The following DHX30 variants were observed in gnomAD, a reference collection of about 807,000 sequenced individuals.
The protein encoded by DHX30 is ATP-dependent RNA helicase DHX30.
DHX30 carries 4 observed loss-of-function variants against 116.9 expected under a neutral mutation model. That is an observed-to-expected ratio of 0.03 (90% CI 0.02 to 0.08). The LOEUF (loss-of-function observed/expected upper bound fraction) is 0.08, where lower values mean the gene tolerates loss of function less well. Ranked by LOEUF, DHX30 falls within the 10% of genes least tolerant of loss-of-function variation. The pLI is 1.00. For synonymous variants in DHX30, 697 were observed against 651.7 expected, an observed-to-expected ratio of 1.07 and a Z score of -1.06; for missense variants, 871 against 1,595.1, an observed-to-expected ratio of 0.55 and a Z score of 7.73.
At position 47,842,761 on chromosome 3, in the gene DHX30, C is replaced by T. The variant is rs190864969; in HGVS notation, c.790-345C>T. ...TCCAGGTGCAGGGTCTTTTTGCTCC[C>T]GCAGGATGTGCCTGGTTTTTAGCTC... On this transcript the variant is annotated intron_variant, in intron 8 of 21. Coordinates refer to ENST00000445061, the MANE Select transcript of DHX30 (RefSeq NM_138615.3). 2.6e-4 allele frequency: 53 copies of T among 205,370 alleles called. No individual in the cohort carries two copies. In the East Asian group the frequency reaches 4.4e-3, roughly 17 times the overall value. The allele number at this position is 205,370 out of a possible 1,614,324, so 12.7% of individuals were successfully genotyped here. A position where few individuals can be genotyped will look rare whatever the true frequency, so the allele number is the denominator to read the frequency against.
At chr3:47,816,260 C>G (rs1268825925) in intron 3 of DHX30, 1 of 984,198 alleles carries the variant, frequency 1.0e-6, no homozygotes, top group African/African-American at 1.8e-5. Context: ...CAAAATATGA[C>G]AAAAAACAAT....
At chr3:47,839,184 C>T (rs2037251134) in intron 6 of DHX30, among the ~76,000 whole-genome samples, 1 of 151,844 alleles carries the variant, frequency 6.6e-6, no homozygotes, top group Admixed American at 6.6e-5. Context: ...AAGCATGAAG[C>T]TATAACACAT....
At chr3:47,809,025 A>C (rs1477049448) in intron 2 of DHX30, among the ~76,000 whole-genome samples, 1 of 151,936 alleles carries the variant, frequency 6.6e-6, no homozygotes, top group Admixed American at 6.6e-5. Context: ...AGTAGCTGAG[A>C]TTACAGGCGC....
In DHX30 at chr3:47,845,772, C is replaced by T. The variant is rs2037577555; in HGVS notation, c.1012C>T (p.Leu338=). The change falls in exon 10 of 22, where the codon CTG becomes TTG. Residue 338 remains leucine (L), a synonymous_variant. Transcript: ENST00000445061. ...AMYNLASLRE[L]GETQRRPCTI... The stretch of plus-strand genomic sequence containing the variant: ...GTATAACCTGGCCTCTTTGCGTGAG[C>T]TGGGTGAGACCCAGCGCCGACCATG... The T allele has an allele frequency of 6.2e-7, 1 of 1,612,700 alleles. No homozygotes were observed. The highest frequency in any genetic ancestry group is 2.2e-5 in the East Asian group (1 of 44,820).
chr3:47,824,948 CCCGCAGGGGGCGCGCGGCGCTCGGG>C (rs1023611969), intron 4 of DHX30: 5 of 493,564 alleles, frequency 1.0e-5, no homozygotes, highest in South Asian at 3.0e-5. Flanking sequence ...GTCCGCCCGG[CCCGCAGGGGGCGCGCGGCGCTCGGG>C]CCGGCCGCTC....
At chr3:47,807,433 G>T (rs576429714) in intron 2 of DHX30, among the ~76,000 whole-genome samples, 2 of 152,034 alleles carry the variant, frequency 1.3e-5, no homozygotes, top group South Asian at 2.1e-4. Flanking sequence ...GCCGGGCACG[G>T]TGGCTCATGC....
rs528904929 is a variant in DHX30 at position 47,839,829 on chromosome 3, C to A, written c.367-1048C>A. 2.0e-5 allele frequency among the ~76,000 whole-genome samples: 3 copies of A among 151,908 alleles called. No individual in the cohort carries two copies. The East Asian group carries it at 5.8e-4, about 30-fold the overall frequency. On this transcript the variant is annotated intron_variant, in intron 6 of 21. Transcript: ENST00000445061. ...TAGCTGAGATTACAGGTGCCCACCA[C>A]CACGCCCGGCTAATTTTTGTATTTT...
At chr3:47,839,749 C>T (rs558029577) in intron 6 of DHX30, among the ~76,000 whole-genome samples, 1 of 152,208 alleles carries the variant, frequency 6.6e-6, no homozygotes, top group South Asian at 2.1e-4. Flanking sequence ...CATCTCAGCT[C>T]ACTGCAACCA....
At chr3:47,835,568 G>A (rs988028966) in intron 6 of DHX30, among the ~76,000 whole-genome samples, 3 of 151,230 alleles carry the variant, frequency 2.0e-5, no homozygotes, top group Non-Finnish European at 4.4e-5. Context: ...GCCTCCCAAA[G>A]TTCTGGGATT....
intron 6 of DHX30, among the ~76,000 whole-genome samples, chr3:47,829,873 G>T (rs528145847): frequency 2.0e-5 from 3 of 150,814 alleles, no homozygotes; most frequent in South Asian, 4.2e-4. Context: ...ACGGAGTCTC[G>T]CTCTGTTGCC....
intron 3 of DHX30, chr3:47,816,155 T>G: frequency 1.0e-6 from 1 of 980,316 alleles, no homozygotes; most frequent in Non-Finnish European, 1.2e-6. Context: ...ATCACATACC[T>G]ATAAAATAAA....
At chr3:47,806,192 G>A (rs2035513085) in intron 2 of DHX30, among the ~76,000 whole-genome samples, 1 of 151,036 alleles carries the variant, frequency 6.6e-6, no homozygotes, top group Non-Finnish European at 1.5e-5. Context: ...TGCCCAGGTT[G>A]GAGTGCAGTG....
chr3:47,829,723 G>A (rs931233348), intron 6 of DHX30, among the ~76,000 whole-genome samples: 71 of 152,182 alleles, frequency 4.7e-4, no homozygotes, highest in African/African-American at 1.5e-3. Flanking sequence ...AAAAACTTCC[G>A]ACACACAGCG....
rs751503282 is a variant in DHX30, at chr3:47,845,865, G to A, written c.1092+13G>A. ...CTTCCTGAACCATGTAAGAGGCCCT[G>A]CATCCCTCACCACCCCTGCTCCCTG... On this transcript the variant is annotated intron_variant, in intron 10 of 21. Coordinates refer to ENST00000445061, the MANE Select transcript of DHX30 (RefSeq NM_138615.3). 1 of 1,590,302 alleles carries A rather than the reference G, an allele frequency of 6.3e-7. No homozygotes were observed. The highest frequency in any genetic ancestry group is 2.3e-5 in the East Asian group (1 of 44,270).
chr3:47,838,512 G>T (rs952229738), intron 6 of DHX30, among the ~76,000 whole-genome samples: 2 of 152,152 alleles, frequency 1.3e-5, no homozygotes, highest in African/African-American at 4.8e-5. Context: ...GTTGTGAATA[G>T]AATTTTTAAA....
chr3:47,816,414 A>G, intron 3 of DHX30: 3 of 980,334 alleles, frequency 3.1e-6, no homozygotes, highest in South Asian at 4.7e-5. Context: ...CTGGAGTGCA[A>G]TGGCGCGATC....
rs1336304964 is a variant in DHX30 at position 47,849,727 on chromosome 3, C to T, written c.3289C>T (p.Leu1097=). ...CCGGGACTCCTCTCAGGTGCACCCG[C>T]TAGCTGTGCTGCTGCTGACCGACGG... ...FVRDSSQVHP[L]AVLLLTDGDV... The change falls in exon 21 of 22, where the codon CTA becomes TTA. Residue 1097 remains leucine (L), a synonymous_variant. Coordinates refer to ENST00000445061, the MANE Select transcript of DHX30 (RefSeq NM_138615.3). 3.7e-6 allele frequency: 6 copies of T among 1,613,976 alleles called. No homozygotes were observed. Among genetic ancestry groups the T allele is most frequent in the Non-Finnish European group, 4.2e-6 (5 of 1,180,016 alleles).
chr3:47,819,749 GA>G (rs942409560), intron 4 of DHX30, among the ~76,000 whole-genome samples: 1 of 151,760 alleles, frequency 6.6e-6, no homozygotes, highest in Admixed American at 6.6e-5. Context: ...ATTTGGAACT[GA>G]AAAAAAATGA....
At chr3:47,843,837 C>T (rs952406383) in intron 9 of DHX30, among the ~76,000 whole-genome samples, 1 of 152,178 alleles carries the variant, frequency 6.6e-6, no homozygotes, top group African/African-American at 2.4e-5. Flanking sequence ...TAGCTGGGAC[C>T]ATAGGTATGC....
Sources: allele counts gnomAD v4.1 joint callset (sites outside exome capture counted in the v4.1 genomes callset), GRCh38; gene constraint gnomAD v4.1.1; transcripts MANE v1.5; gene names NCBI Gene and HGNC (gene_info 2026-07-23, HGNC 2026-07-21).